The following CUX2 variants were observed in gnomAD, a reference collection of about 807,000 sequenced individuals.
CUX2 encodes the protein homeobox protein cut-like 2.
Under a neutral mutation model 144.8 loss-of-function variants are expected in CUX2, and 40 were observed. The ratio of observed to expected loss-of-function variants is 0.28; its 90% CI spans 0.21 to 0.36. CUX2 has a LOEUF of 0.36. Among genes scored for constraint, CUX2 ranks in the 10% least tolerant of loss-of-function variants. The probability of loss-of-function intolerance (pLI) is 1.00; values close to 1 mark genes in which losing one functional copy is unlikely to be tolerated. For synonymous variants in CUX2, 827 were observed against 875.6 expected, an observed-to-expected ratio of 0.94 and a Z score of 0.98; for missense variants, 1,615 against 1,994.0, an observed-to-expected ratio of 0.81 and a Z score of 3.62.
chr12:111,098,274 C>G (rs1459140767), intron 1 of CUX2, among the ~76,000 whole-genome samples: 4 of 152,152 alleles, frequency 2.6e-5, no homozygotes, highest in Non-Finnish European at 2.9e-5. Flanking sequence ...GTGGTGCCTG[C>G]CTGTAATCCC....
intron 1 of CUX2, among the ~76,000 whole-genome samples, chr12:111,151,016 A>T (rs1365639807): frequency 6.6e-6 from 1 of 152,176 alleles, no homozygotes; most frequent in African/African-American, 2.4e-5. Flanking sequence ...AAAGATAAAC[A>T]CCCTTCCTAT....
chr12:111,136,035 G>A (rs1875863032), intron 1 of CUX2, among the ~76,000 whole-genome samples: 1 of 152,152 alleles, frequency 6.6e-6, no homozygotes, highest in Non-Finnish European at 1.5e-5. Flanking sequence ...GCCCGGGTGA[G>A]GACTTCAGCC....
At position 111,160,821 on chromosome 12, in the gene CUX2, G is replaced by A. The variant is rs562177541; in HGVS notation, c.64-53379G>A. On this transcript the variant is annotated intron_variant, in intron 1 of 21. Coordinates refer to ENST00000261726, the MANE Select transcript of CUX2 (RefSeq NM_015267.4). This position sits in a 1 kb window ranked among gnomAD's most constrained non-coding sequence, Gnocchi z 4.1. ...GCTTGCGGTGATGATGTAATGTGTC[G>A]GGATGGAATGAATGAAGATGACTCC... Among the ~76,000 whole-genome samples, 4 of 152,276 alleles carry A rather than the reference G, an allele frequency of 2.6e-5. No individual in the cohort carries two copies. Among genetic ancestry groups the A allele is most frequent in the Non-Finnish European group, 5.9e-5 (4 of 68,008 alleles).
chr12:111,346,959 C>T (rs1888836322), intron 21 of CUX2, among the ~76,000 whole-genome samples: 1 of 152,194 alleles, frequency 6.6e-6, no homozygotes, highest in Admixed American at 6.5e-5. Flanking sequence ...TTGCAGTGAG[C>T]TGAGATCGCA....
At position 111,310,525 on chromosome 12, in the gene CUX2, G is replaced by A. The variant is rs767769886; in HGVS notation, c.1743G>A (p.Leu581=). 3.1e-6 allele frequency: 5 copies of A among 1,614,092 alleles called. No individual in the cohort carries two copies. The highest frequency in any genetic ancestry group is 3.3e-5 in the Admixed American group (2 of 60,032). The change falls in exon 15 of 22, where the codon CTG becomes CTA. Residue 581 remains leucine (L), a synonymous_variant. Coordinates refer to ENST00000261726, the MANE Select transcript of CUX2 (RefSeq NM_015267.4). This position sits in a 1 kb window ranked among gnomAD's most constrained non-coding sequence, Gnocchi z 7.9. ...IGQRVFGHYV[L]GLSQGSVSEI... is the part of the protein sequence containing the mutation. ...AGCGGGTGTTTGGGCATTACGTGCT[G>A]GGGCTGTCGCAGGGCTCGGTCAGCG...
chr12:111,263,821 C>T lies in CUX2; in HGVS notation c.283C>T (p.Gln95Ter). 1 of 1,613,970 alleles carries T rather than the reference C, an allele frequency of 6.2e-7. No homozygotes were observed. Among genetic ancestry groups the T allele is most frequent in the Non-Finnish European group, 8.5e-7 (1 of 1,179,874 alleles). The change falls in exon 4 of 22, where the codon CAA becomes TAA. Residue 95 changes from glutamine (Q) to a stop codon, truncating the protein, a stop_gained. Transcript: ENST00000261726. LOFTEE classifies it high-confidence loss of function. This position sits in a 1 kb window ranked among gnomAD's most constrained non-coding sequence, Gnocchi z 4.0. ...AEAAFLSVYK[Q>*]LIEAPDPVPV... ...GGCTGCTTTTCTGAGTGTTTACAAG[C>T]AATTAATTGAAGCACCAGGTAAGAA...
At position 111,074,874 on chromosome 12, in the gene CUX2, G is replaced by A. The variant is rs973311477; in HGVS notation, c.63+40634G>A. On this transcript the variant is annotated intron_variant, in intron 1 of 21. Transcript: ENST00000261726. ...ACTGTTGGGGACACCGTGCCCCTCG[G>A]GCCCAGGCCTGAGCCTCTCGAGACC... Among the ~76,000 whole-genome samples the A allele has an allele frequency of 1.9e-4, 28 of 150,694 alleles. 1 individual carries two copies. Among genetic ancestry groups the A allele is most frequent in the African/African-American group, 7.0e-4 (28 of 40,050 alleles).
At chr12:111,066,791 G>C (rs1871039313) in intron 1 of CUX2, among the ~76,000 whole-genome samples, 1 of 152,190 alleles carries the variant, frequency 6.6e-6, no homozygotes, top group Non-Finnish European at 1.5e-5. Context: ...TCAACTCCCA[G>C]CTCTGCCTTT....
intron 1 of CUX2, among the ~76,000 whole-genome samples, chr12:111,172,560 C>G (rs556475635): frequency 6.6e-6 from 1 of 152,188 alleles, no homozygotes; most frequent in African/African-American, 2.4e-5. Context: ...TGGGGGACTC[C>G]GGGAGGGTGG....
intron 1 of CUX2, among the ~76,000 whole-genome samples, chr12:111,097,279 C>T (rs1394762815): frequency 2.0e-5 from 3 of 152,190 alleles, no homozygotes; most frequent in Non-Finnish European, 4.4e-5. Flanking sequence ...GTTCTGGGCT[C>T]AGGTACTCAG....
At chr12:111,191,455 C>T (rs1031060500) in intron 1 of CUX2, among the ~76,000 whole-genome samples, 4 of 152,058 alleles carry the variant, frequency 2.6e-5, no homozygotes, top group Non-Finnish European at 4.4e-5. Flanking sequence ...CCTCAGCTTC[C>T]GGAGTAGCTG....
intron 1 of CUX2, among the ~76,000 whole-genome samples, chr12:111,205,056 G>A (rs775384386): frequency 3.3e-5 from 5 of 152,134 alleles, no homozygotes; most frequent in East Asian, 1.9e-4. Flanking sequence ...TACATACGGC[G>A]CAGGGAGTGA....
At chr12:111,230,431 C>T (rs1882410257) in intron 3 of CUX2, among the ~76,000 whole-genome samples, 1 of 152,118 alleles carries the variant, frequency 6.6e-6, no homozygotes, top group Admixed American at 6.6e-5. Flanking sequence ...AGTCTCCATC[C>T]CCCACCTCCA....
intron 3 of CUX2, among the ~76,000 whole-genome samples, chr12:111,254,069 T>C (rs141980513): frequency 2.6e-5 from 4 of 152,190 alleles, no homozygotes; most frequent in Non-Finnish European, 5.9e-5. Context: ...ACCCTTGGGA[T>C]GCCCACTGGC....
At position 111,314,657 on chromosome 12, in the gene CUX2, A is replaced by C. The variant is rs1248949176; in HGVS notation, c.2002+2456A>C. 1.7e-4 allele frequency among the ~76,000 whole-genome samples: 24 copies of C among 138,628 alleles called. 1 individual carries two copies. Among genetic ancestry groups the C allele is most frequent in the African/African-American group, 6.6e-4 (22 of 33,496 alleles). The allele number at this position is 138,628 out of a possible 152,430, so 90.9% of individuals were successfully genotyped here. A position where few individuals can be genotyped will look rare whatever the true frequency, so the allele number is the denominator to read the frequency against. ...CTCAGTCTAAAAAAAAAAAAAAAAAAAAAAAAAAAAACCCCATCTCCTCTA... is the reference window on the plus strand; with the variant it reads ...CTCAGTCTAAAAAAAAAAAAAAAAACAAAAAAAAAAACCCCATCTCCTCTA... On this transcript the variant is annotated intron_variant, in intron 16 of 21. Transcript: ENST00000261726.
intron 3 of CUX2, among the ~76,000 whole-genome samples, chr12:111,236,998 A>T (rs1402207028): frequency 2.0e-5 from 3 of 152,030 alleles, no homozygotes; most frequent in African/African-American, 7.2e-5. Flanking sequence ...AAAATACAAA[A>T]ATTAGTTGGG....
At chr12:111,181,594 G>GC (rs1879179562) in intron 1 of CUX2, among the ~76,000 whole-genome samples, 1 of 152,212 alleles carries the variant, frequency 6.6e-6, no homozygotes, top group South Asian at 2.1e-4. Flanking sequence ...CCGGGCCCCA[G>GC]CACTGCCCGA....
chr12:111,144,863 A>G (rs1165578306), intron 1 of CUX2, among the ~76,000 whole-genome samples: 1 of 152,114 alleles, frequency 6.6e-6, no homozygotes, highest in Non-Finnish European at 1.5e-5. Flanking sequence ...GCCGGGCAGT[A>G]GCTCTTTCTC....
intron 1 of CUX2, among the ~76,000 whole-genome samples, chr12:111,128,852 G>A (rs1875258536): frequency 6.6e-6 from 1 of 152,214 alleles, no homozygotes; most frequent in Admixed American, 6.5e-5. Flanking sequence ...CATCTGCTGG[G>A]TCATATGGCC....
Sources: allele counts gnomAD v4.1 joint callset (sites outside exome capture counted in the v4.1 genomes callset), GRCh38; gene constraint gnomAD v4.1.1; non-coding constraint Gnocchi (gnomAD v3.1); transcripts MANE v1.5; gene names NCBI Gene and HGNC (gene_info 2026-07-23, HGNC 2026-07-21).